Variants in MEI4 observed in about 807,000 individuals in gnomAD.
MEI4 encodes the protein meiotic double-stranded break formation protein 4, also known as meiosis-specific protein MEI4.
A neutral mutation model predicts 31.4 loss-of-function variants in MEI4; 27 were observed. The ratio of observed to expected loss-of-function variants is 0.86; its 90% CI spans 0.63 to 1.19. The LOEUF (loss-of-function observed/expected upper bound fraction) is 1.19, where lower values mean the gene tolerates loss of function less well. Ranked by LOEUF, MEI4 falls within the 50% of genes most tolerant of loss-of-function variation. MEI4 has a pLI of 0.00. For synonymous variants in MEI4, 122 were observed against 145.4 expected (o/e 0.84, Z 1.16); for missense variants, 329 against 398.9 (o/e 0.82, Z 1.49).
chr6:77,742,664 C>T (rs1489281588), intron 2 of MEI4, among the ~76,000 whole-genome samples: 1 of 152,156 alleles, frequency 6.6e-6, no homozygotes, highest in East Asian at 1.9e-4. Context: ...GTTGCCATTG[C>T]TTTTGGTGTT....
intron 2 of MEI4, among the ~76,000 whole-genome samples, chr6:77,703,529 G>A (rs563750202): frequency 6.6e-6 from 1 of 152,178 alleles, no homozygotes; most frequent in Admixed American, 6.5e-5. Context: ...ATAACAAATT[G>A]CAATCATCTT....
At chr6:77,769,773 GGAAGGGCCCA>G (rs1428178942) in intron 3 of MEI4, among the ~76,000 whole-genome samples, 1 of 152,068 alleles carries the variant, frequency 6.6e-6, no homozygotes, top group Admixed American at 6.6e-5. Flanking sequence ...TGCCTTGAAG[GGAAGGGCCCA>G]GTCCTGGCAG....
chr6:77,841,952 G>T (rs1261600911), intron 4 of MEI4, among the ~76,000 whole-genome samples: 2 of 152,086 alleles, frequency 1.3e-5, no homozygotes, highest in Non-Finnish European at 2.9e-5. Flanking sequence ...AGCAAAAATT[G>T]ATAACATTGT....
intron 4 of MEI4, among the ~76,000 whole-genome samples, chr6:77,830,734 C>T (rs140104618): frequency 7.2e-5 from 11 of 151,900 alleles, no homozygotes; most frequent in South Asian, 2.1e-4. Flanking sequence ...CATTTTTTAT[C>T]GTATACAAAA....
chr6:77,709,527 T>TTTCACAATTC (rs1407339882), intron 2 of MEI4, among the ~76,000 whole-genome samples: 10 of 152,234 alleles, frequency 6.6e-5, no homozygotes. Flanking sequence ...ATTTCACAAA[T>TTTCACAATTC]ACTAGTTGGT....
chr6:77,691,403 G>A (rs1769155361), intron 2 of MEI4, among the ~76,000 whole-genome samples: 1 of 151,994 alleles, frequency 6.6e-6, no homozygotes, highest in Admixed American at 6.6e-5. Flanking sequence ...AAAATACAGA[G>A]GAGGAAGTTA....
chr6:77,874,552 C>T (rs948341253), intron 4 of MEI4, among the ~76,000 whole-genome samples: 5 of 152,178 alleles, frequency 3.3e-5, no homozygotes, highest in African/African-American at 7.2e-5. Context: ...CATCTGCAAA[C>T]AGGGACAATT....
At chr6:77,754,325 C>A (rs1375035021) in intron 2 of MEI4, among the ~76,000 whole-genome samples, 1 of 152,124 alleles carries the variant, frequency 6.6e-6, no homozygotes, top group African/African-American at 2.4e-5. Context: ...ACGGCAGAGG[C>A]AAAATGCCGC....
chr6:77,738,379 C>G (rs560884627), intron 2 of MEI4, among the ~76,000 whole-genome samples: 29 of 152,282 alleles, frequency 1.9e-4, no homozygotes, highest in Admixed American at 1.3e-3. Context: ...ATGCAAATTG[C>G]TAGAATGGGA....
chr6:77,815,594 T>C (rs1357426161), intron 3 of MEI4, among the ~76,000 whole-genome samples: 4 of 152,090 alleles, frequency 2.6e-5, no homozygotes, highest in Admixed American at 2.6e-4. Context: ...TTGGATGATA[T>C]TCATTCACTT....
intron 4 of MEI4, among the ~76,000 whole-genome samples, chr6:77,861,579 C>CT (rs911138503): frequency 3.6e-4 from 54 of 152,024 alleles, no homozygotes; most frequent in Admixed American, 2.8e-3. Flanking sequence ...TTTTTCCTGT[C>CT]TTTTTTTACA....
At chr6:77,735,531 T>G (rs1246322961) in intron 2 of MEI4, among the ~76,000 whole-genome samples, 1 of 152,134 alleles carries the variant, frequency 6.6e-6, no homozygotes, top group East Asian at 1.9e-4. Flanking sequence ...AGTTATACAT[T>G]CTTCTAAATT....
chr6:77,863,034 C>T (rs1189372608), intron 4 of MEI4, among the ~76,000 whole-genome samples: 1 of 152,122 alleles, frequency 6.6e-6, no homozygotes, highest in Non-Finnish European at 1.5e-5. Context: ...AGAAGGAAAA[C>T]TAACAAACAG....
chr6:77,816,995 G>A (rs969377431), intron 3 of MEI4, among the ~76,000 whole-genome samples: 7 of 151,844 alleles, frequency 4.6e-5, no homozygotes, highest in African/African-American at 1.7e-4. Context: ...TGCATTCATT[G>A]TTGGATGACA....
rs193068594 is a variant in MEI4 at position 77,733,605 on chromosome 6, G to A, written c.233-27525G>A. 1.4e-3 allele frequency among the ~76,000 whole-genome samples: 218 copies of A among 151,858 alleles called. 3 individuals are homozygous for A. Among genetic ancestry groups the A allele is most frequent in the African/African-American group, 4.5e-3 (185 of 41,294 alleles). On this transcript the variant is annotated intron_variant, in intron 2 of 4. Transcript: ENST00000684080. ...TCCTGGATTGATTAATTTTTTGAAG[G>A]GTTTTTTGTGCCTCTATTTCCTTCA...
At chr6:77,913,294 G>T (rs1035037994) in intron 4 of MEI4, among the ~76,000 whole-genome samples, 1 of 152,050 alleles carries the variant, frequency 6.6e-6, no homozygotes, top group Non-Finnish European at 1.5e-5. Context: ...GGTAATAACT[G>T]GTCTCTTAGA....
At chr6:77,834,470 T>C (rs1283085579) in intron 4 of MEI4, among the ~76,000 whole-genome samples, 3 of 148,362 alleles carry the variant, frequency 2.0e-5, no homozygotes, top group Non-Finnish European at 4.5e-5. Flanking sequence ...ATTTATAAGA[T>C]TTTATAATAT....
chr6:77,761,512 T>C lies in MEI4; in HGVS notation c.615T>C (p.Phe205=). The C allele has an allele frequency of 8.1e-7, 1 of 1,232,162 alleles. No individual in the cohort carries two copies. Among genetic ancestry groups the C allele is most frequent in the South Asian group, 4.1e-5 (1 of 24,320 alleles). 76.3% of individuals were successfully genotyped at this position (1,232,162 alleles called of 1,614,324 possible). A position where few individuals can be genotyped will look rare whatever the true frequency, so the allele number is the denominator to read the frequency against. ...ITFYRNPKLP[F]SRFWTEAVGT... is the part of the protein sequence containing the mutation. Reference sequence around the variant, plus strand: ...TTTACCGTAATCCCAAACTTCCTTTTTCAAGATTTTGGACAGAAGCTGTTG... The same window carrying C: ...TTTACCGTAATCCCAAACTTCCTTTCTCAAGATTTTGGACAGAAGCTGTTG... Residue 205 remains phenylalanine, a synonymous_variant, in exon 3 of 5, where the codon TTT becomes TTC. Coordinates refer to ENST00000684080, the MANE Select transcript of MEI4 (RefSeq NM_001322247.2).
chr6:77,786,605 G>A (rs1289945143), intron 3 of MEI4, among the ~76,000 whole-genome samples: 1 of 152,038 alleles, frequency 6.6e-6, no homozygotes, highest in Non-Finnish European at 1.5e-5. Flanking sequence ...GGCTTAGAAG[G>A]GGAGAAGTAA....
Sources: gnomAD v4.1 joint callset for allele counts (sites outside exome capture counted in the v4.1 genomes callset) on GRCh38, gnomAD v4.1.1 for gene constraint, MANE v1.5 for transcripts, NCBI Gene and HGNC (gene_info 2026-07-23, HGNC 2026-07-21) for gene names.